ARHGAP21: variants seen among roughly 807,000 people sequenced by gnomAD.
The protein encoded by ARHGAP21 is Rho GTPase activating protein 21.
In ARHGAP21, 38 loss-of-function variants were observed where a neutral mutation model predicts 164.6. That is an observed-to-expected ratio of 0.23 (90% CI 0.18 to 0.30). The LOEUF is 0.30. ARHGAP21 is among the 10% of genes least tolerant of loss of function. The pLI is 1.00. For missense variants in ARHGAP21, 1,822 were observed against 2,370.7 expected, an observed-to-expected ratio of 0.77 and a Z score of 4.81; for synonymous variants, 766 against 857.9, an observed-to-expected ratio of 0.89 and a Z score of 1.87.
chr10:24,684,513 T>C (rs1161388641), intron 2 of ARHGAP21, among the ~76,000 whole-genome samples: 2 of 152,216 alleles, frequency 1.3e-5, no homozygotes, highest in Non-Finnish European at 2.9e-5. Context: ...TTAAATGATA[T>C]CTTAAATAAC....
chr10:24,594,037 T>TATCTTTCTTAAACTGATCTTTC (rs2076466578), intron 21 of ARHGAP21, among the ~76,000 whole-genome samples: 1 of 152,160 alleles, frequency 6.6e-6, no homozygotes, highest in Non-Finnish European at 1.5e-5. Context: ...TAAACTGATC[T>TATCTTTCTTAAACTGATCTTTC]ATCTTTCTTA....
chr10:24,702,072 A>G (rs1843719684), intron 2 of ARHGAP21, among the ~76,000 whole-genome samples: 1 of 151,934 alleles, frequency 6.6e-6, no homozygotes, highest in Non-Finnish European at 1.5e-5. Context: ...AACACTGATT[A>G]GAACATTTGA....
chr10:24,720,230 G>C (rs1356182534), intron 2 of ARHGAP21, among the ~76,000 whole-genome samples: 3 of 130,744 alleles, frequency 2.3e-5, no homozygotes, highest in Non-Finnish European at 4.7e-5. Flanking sequence ...TAAATTCTTG[G>C]TTTCAGGACA....
chr10:24,696,551 G>T (rs957886903), intron 2 of ARHGAP21, among the ~76,000 whole-genome samples: 16 of 152,140 alleles, frequency 1.1e-4, no homozygotes, highest in Non-Finnish European at 1.9e-4. Flanking sequence ...TTAACTCGAG[G>T]CAGTAAAATG....
chr10:24,660,210 TA>T (rs1330662339), intron 4 of ARHGAP21, among the ~76,000 whole-genome samples: 22 of 151,764 alleles, frequency 1.4e-4, no homozygotes, highest in African/African-American at 5.3e-4. Flanking sequence ...TCAAATAGTT[TA>T]AATGGTCAGT....
intron 9 of ARHGAP21, among the ~76,000 whole-genome samples, chr10:24,611,553 A>C (rs1414189017): frequency 6.6e-6 from 1 of 151,896 alleles, no homozygotes; most frequent in Non-Finnish European, 1.5e-5. Flanking sequence ...AAAATACAAA[A>C]ATTAGCTGGG....
intron 2 of ARHGAP21, among the ~76,000 whole-genome samples, chr10:24,697,830 A>T (rs894116247): frequency 6.6e-5 from 10 of 152,128 alleles, no homozygotes; most frequent in Admixed American, 5.2e-4. Flanking sequence ...ACTGCACTCC[A>T]GCCTGGGCGA....
At position 24,620,903 on chromosome 10, in the gene ARHGAP21, T is replaced by A. The variant is rs1410252477; in HGVS notation, c.992A>T (p.His331Leu). 7.4e-6 allele frequency: 12 copies of A among 1,613,810 alleles called. No individual in the cohort carries two copies. Among genetic ancestry groups the A allele is most frequent in the Non-Finnish European group, 1.0e-5 (12 of 1,179,862 alleles). The change falls in exon 9 of 26, where the codon CAT becomes CTT. Residue 331 changes from histidine to leucine, a missense_variant. Physicochemically the swap from His to Leu is moderately conservative, Grantham distance 99. This residue lies in a region of ARHGAP21 where 1,090 missense variants were observed against 1,378.9 expected (regional missense o/e 0.79). Coordinates refer to ENST00000396432, the MANE Select transcript of ARHGAP21 (RefSeq NM_020824.4). ...PLSIPTTHLIHQPAGSRSLEP... is the reference protein window; with the variant it reads ...PLSIPTTHLILQPAGSRSLEP... Reference sequence around the variant, plus strand: ...CAGTGATCTGGAGCCTGCAGGCTGATGAATTAGATGAGTGGTGGGAATTGA... The same window carrying A: ...CAGTGATCTGGAGCCTGCAGGCTGAAGAATTAGATGAGTGGTGGGAATTGA...
At chr10:24,600,997 A>T (rs1397380113) in intron 13 of ARHGAP21, 67 bp from the exon 14 acceptor site, 60 of 1,535,584 alleles carry the variant, frequency 3.9e-5, no homozygotes, top group Non-Finnish European at 4.8e-5. Context: ...GGATAAGCAC[A>T]TTAAGCAACA....
At chr10:24,695,582 G>A (rs1593316837) in intron 2 of ARHGAP21, among the ~76,000 whole-genome samples, 1 of 145,102 alleles carries the variant, frequency 6.9e-6, no homozygotes. Context: ...AAAAAAAAAA[G>A]AATAGAATTT....
rs753929172 is a variant in ARHGAP21 at position 24,665,277 on chromosome 10, C to A, written c.268+1708G>T. On this transcript the variant is annotated intron_variant, in intron 4 of 25. Coordinates refer to ENST00000396432, the MANE Select transcript of ARHGAP21 (RefSeq NM_020824.4). ...GACAACTATGAAGAGTCCTGCCTGG[C>A]CTTACACCTTCAGATTACTTTTGAT... 3.3e-5 allele frequency among the ~76,000 whole-genome samples: 5 copies of A among 151,986 alleles called. No individual in the cohort carries two copies. In the South Asian group the frequency reaches 1.0e-3, roughly 32 times the overall value.
intron 2 of ARHGAP21, among the ~76,000 whole-genome samples, chr10:24,703,023 T>TTA (rs1843849581): frequency 6.6e-6 from 1 of 152,162 alleles, no homozygotes; most frequent in Non-Finnish European, 1.5e-5. Flanking sequence ...GTGTATAATA[T>TTA]TATACACTGT....
At position 24,585,705 on chromosome 10, in the gene ARHGAP21, G is replaced by A. The variant is rs1265294350; in HGVS notation, c.4584C>T (p.Pro1528=). The change falls in exon 26 of 26, where the codon CCC becomes CCT. Residue 1528 remains proline, a synonymous_variant. Coordinates refer to ENST00000396432, the MANE Select transcript of ARHGAP21 (RefSeq NM_020824.4). The part of the protein sequence containing the change: ...SCRFAILKES[P]RSLLAQKSSH... ...AGGACTTCTGTGCCAGAAGTGACCTGGGGCTCTCTTTCAGGATGGCAAAGC... is the reference window on the plus strand; with the variant it reads ...AGGACTTCTGTGCCAGAAGTGACCTAGGGCTCTCTTTCAGGATGGCAAAGC... 1 of 1,614,134 alleles carries A rather than the reference G, an allele frequency of 6.2e-7. No individual in the cohort carries two copies. The highest frequency in any genetic ancestry group is 2.2e-5 in the East Asian group (1 of 44,872).
intron 14 of ARHGAP21, among the ~76,000 whole-genome samples, chr10:24,599,851 G>A (rs968951436): frequency 6.6e-6 from 1 of 152,096 alleles, no homozygotes; most frequent in African/African-American, 2.4e-5. Flanking sequence ...AAGAAATGCT[G>A]GGCCGGGCGC....
rs189210989 is a variant in ARHGAP21 at position 24,609,150 on chromosome 10, A to G, written c.2423-1247T>C. 8.3e-4 allele frequency among the ~76,000 whole-genome samples: 126 copies of G among 152,350 alleles called. 2 individuals carry two copies. The highest frequency in any genetic ancestry group is 2.8e-3 in the African/African-American group (118 of 41,596). ...TCTTCAAAAAGTATCTGACTCATGCAGTATGAATACATCTTTAATTATACT... is the reference window on the plus strand; with the variant it reads ...TCTTCAAAAAGTATCTGACTCATGCGGTATGAATACATCTTTAATTATACT... On this transcript the variant is annotated intron_variant, in intron 9 of 25. Coordinates refer to ENST00000396432, the MANE Select transcript of ARHGAP21 (RefSeq NM_020824.4).
chr10:24,697,155 A>C (rs1843244856), intron 2 of ARHGAP21, among the ~76,000 whole-genome samples: 1 of 152,140 alleles, frequency 6.6e-6, no homozygotes, highest in African/African-American at 2.4e-5. Flanking sequence ...ACCCCAGGGA[A>C]AGGTGAAAGT....
At chr10:24,598,483 C>T (rs1480562322) in intron 14 of ARHGAP21, among the ~76,000 whole-genome samples, 1 of 152,040 alleles carries the variant, frequency 6.6e-6, no homozygotes, top group Non-Finnish European at 1.5e-5. Flanking sequence ...ATAGTGAAAC[C>T]AAGGATCAAC....
chr10:24,656,454 C>T (rs1232017123), intron 4 of ARHGAP21, among the ~76,000 whole-genome samples: 4 of 73,374 alleles, frequency 5.5e-5, no homozygotes, highest in African/African-American at 2.5e-4. Context: ...CTCTGCCCGG[C>T]CACCCCTACT....
intron 4 of ARHGAP21, among the ~76,000 whole-genome samples, chr10:24,644,429 G>C (rs1390421639): frequency 6.6e-6 from 1 of 152,080 alleles, no homozygotes; most frequent in African/African-American, 2.4e-5. Context: ...CCTCCTTGGG[G>C]GAAAACTGCC....
Sources: allele counts gnomAD v4.1 joint callset (sites outside exome capture counted in the v4.1 genomes callset), GRCh38; gene constraint gnomAD v4.1.1; regional missense constraint gnomAD v4.1.1; transcripts MANE v1.5; gene names NCBI Gene and HGNC (gene_info 2026-07-23, HGNC 2026-07-21).